Variants in CIPC observed in about 807,000 individuals in gnomAD.
CIPC encodes CLOCK-interacting pacemaker.
CIPC carries 12 observed loss-of-function variants against 26.7 expected under a neutral mutation model. The ratio of observed to expected loss-of-function variants is 0.45; its 90% CI spans 0.29 to 0.73. The LOEUF (loss-of-function observed/expected upper bound fraction) is 0.73, where lower values mean the gene tolerates loss of function less well. CIPC is among the 30% of genes least tolerant of loss of function. CIPC has a pLI of 0.12. For synonymous variants in CIPC, 170 were observed against 189.8 expected (o/e 0.90, Z 0.86); for missense variants, 417 against 486.5 (o/e 0.86, Z 1.34).
At chr14:77,105,593 CA>C in intron 1 of CIPC, 63 bp from the exon 2 acceptor site, 5 of 1,122,678 alleles carry the variant, frequency 4.5e-6, no homozygotes, top group Non-Finnish European at 6.4e-6. Context: ...ATACTTTATT[CA>C]CTGTTTGGAT....
intron 1 of CIPC, among the ~76,000 whole-genome samples, chr14:77,099,650 C>G (rs576067804): frequency 3.9e-5 from 6 of 152,166 alleles, no homozygotes; most frequent in African/African-American, 1.4e-4. Context: ...ACACGTGACA[C>G]ATTTTAAAGG....
chr14:77,111,992 A>T (rs1031606360), intron 3 of CIPC, among the ~76,000 whole-genome samples: 6 of 152,194 alleles, frequency 3.9e-5, no homozygotes, highest in African/African-American at 1.4e-4. Flanking sequence ...TATATTCCGG[A>T]GTATATTTGA....
At chr14:77,100,244 T>C (rs200751016) in intron 1 of CIPC, among the ~76,000 whole-genome samples, 52,991 of 139,704 alleles carry the variant, frequency 0.38, 8,821 homozygotes, top group East Asian at 0.6. Flanking sequence ...TTCTTTCTTT[T>C]TTTTTTTTTT....
At chr14:77,107,043 T>C (rs1014091077) in intron 2 of CIPC, among the ~76,000 whole-genome samples, 1 of 152,216 alleles carries the variant, frequency 6.6e-6, no homozygotes, top group Non-Finnish European at 1.5e-5. Context: ...GGACAGGGCC[T>C]GGAATGTGGG....
chr14:77,107,494 C>G (rs1240101278), intron 2 of CIPC, among the ~76,000 whole-genome samples: 1 of 152,098 alleles, frequency 6.6e-6, no homozygotes, highest in Non-Finnish European at 1.5e-5. Flanking sequence ...ATGAAATTTG[C>G]AAAATCAAGA....
Position 77,109,864 on chromosome 14 carries a change from G to A in CIPC, c.189G>A (p.Met63Ile). 6.2e-7 allele frequency: 1 copy of A among 1,614,224 alleles called. No individual in the cohort carries two copies. Among genetic ancestry groups the A allele is most frequent in the Non-Finnish European group, 8.5e-7 (1 of 1,180,036 alleles). The stretch of plus-strand genomic sequence containing the variant: ...CAGAGCAGATGGAGTCCGAGGACAT[G>A]CTGAGCGCCTTAGGCTGGAGCAGAG... Reference protein sequence around the residue: ...SSAEQMESEDMLSALGWSRED... With the variant: ...SSAEQMESEDILSALGWSRED... The change falls in exon 3 of 4, where the codon ATG becomes ATA. Residue 63 changes from methionine (M) to isoleucine (I), a missense_variant. By Grantham distance (10) the Met-to-Ile change is conservative (BLOSUM62 1). Coordinates refer to ENST00000361786, the MANE Select transcript of CIPC (RefSeq NM_033426.3).
chr14:77,099,679 A>C (rs1209255357), intron 1 of CIPC, among the ~76,000 whole-genome samples: 6 of 152,208 alleles, frequency 3.9e-5, no homozygotes, highest in Non-Finnish European at 8.8e-5. Flanking sequence ...GCTTCCAGGA[A>C]TGTTGCCAAG....
chr14:77,114,249 A>T lies in CIPC; in HGVS notation c.1131A>T (p.Ala377=). Residue 377 remains alanine, a synonymous_variant, in exon 4 of 4, where the codon GCA becomes GCT. Transcript: ENST00000361786. ...CTCAGGCTTGGGCCAAGCTGCAGGC[A>T]TCTTTAACACCTGGGTCCAGTAATA... ...RAPQAWAKLQ[A]SLTPGSSNTG... is the part of the protein sequence containing the mutation. The T allele has an allele frequency of 6.2e-7, 1 of 1,614,118 alleles. No individual in the cohort carries two copies. The highest frequency in any genetic ancestry group is 1.1e-5 in the South Asian group (1 of 91,086).
intron 2 of CIPC, among the ~76,000 whole-genome samples, chr14:77,109,303 C>G (rs1176306210): frequency 6.6e-6 from 1 of 152,146 alleles, no homozygotes; most frequent in Non-Finnish European, 1.5e-5. Context: ...GTATATCCTT[C>G]CAGTCATACA....
intron 3 of CIPC, 130 bp downstream of exon 3, chr14:77,110,111 T>C (rs1886665281): frequency 1.2e-6 from 1 of 806,718 alleles, no homozygotes; most frequent in Admixed American, 2.8e-5. Context: ...CACACCAATG[T>C]GTACTTTCTG....
At chr14:77,104,311 T>C (rs990320994) in intron 1 of CIPC, among the ~76,000 whole-genome samples, 2 of 152,166 alleles carry the variant, frequency 1.3e-5, no homozygotes. Flanking sequence ...CGCTTCCATC[T>C]GGGCAGTTGA....
Position 77,114,843 on chromosome 14 carries a change from C to CG in CIPC, c.*525_*526insG. On this transcript the variant is annotated 3_prime_UTR_variant, in exon 4 of 4. Transcript: ENST00000361786. ...TGGGCGAGACCTAAAATTCCCTGGG[C>CG]ACAGGTTGCACCTGGGTGTGAGCAC... 6.4e-6 allele frequency: 1 copy of CG among 155,252 alleles called. No individual in the cohort carries two copies. The highest frequency in any genetic ancestry group is 1.4e-5 in the Non-Finnish European group (1 of 69,762). The allele number at this position is 155,252 out of a possible 1,614,324, so 9.6% of individuals were successfully genotyped here.
chr14:77,109,141 T>C (rs1325156879), intron 2 of CIPC, among the ~76,000 whole-genome samples: 1 of 152,218 alleles, frequency 6.6e-6, no homozygotes, highest in Non-Finnish European at 1.5e-5. Context: ...TAATGGTTCT[T>C]AACTAGAGGT....
At chr14:77,102,226 C>T (rs1053723020) in intron 1 of CIPC, among the ~76,000 whole-genome samples, 19 of 152,176 alleles carry the variant, frequency 1.2e-4, no homozygotes, top group African/African-American at 4.3e-4. Flanking sequence ...GGGCAGGACC[C>T]ATTCTGGAAT....
At chr14:77,111,437 C>G (rs186274252) in intron 3 of CIPC, among the ~76,000 whole-genome samples, 2 of 152,298 alleles carry the variant, frequency 1.3e-5, no homozygotes, top group Admixed American at 1.3e-4. Flanking sequence ...CTAGCGTATT[C>G]TAAAATTAAA....
rs1401012268 is a variant in CIPC, at chr14:77,114,483, G to A, written c.*165G>A. On this transcript the variant is annotated 3_prime_UTR_variant, in exon 4 of 4. Coordinates refer to ENST00000361786, the MANE Select transcript of CIPC (RefSeq NM_033426.3). ...CAATACCTGGCTGCTGTCTTAACTC[G>A]TAGTCTGGGCACAGGATACATATGT... 8.6e-6 allele frequency: 6 copies of A among 695,710 alleles called. No individual in the cohort carries two copies. Among genetic ancestry groups the A allele is most frequent in the African/African-American group, 3.6e-5 (2 of 55,414 alleles). 43.1% of individuals were successfully genotyped at this position (695,710 alleles called of 1,614,324 possible).
At chr14:77,101,489 C>A (rs184820386) in intron 1 of CIPC, among the ~76,000 whole-genome samples, 1 of 152,144 alleles carries the variant, frequency 6.6e-6, no homozygotes, top group Non-Finnish European at 1.5e-5. Flanking sequence ...ATCCTAAAGT[C>A]GATTTTACAT....
In CIPC at chr14:77,115,240, T is replaced by TG. The variant is rs1352536120; in HGVS notation, c.*923dup. 9 of 33,964 alleles carry TG rather than the reference T, an allele frequency of 2.6e-4. No homozygotes were observed. The highest frequency in any genetic ancestry group is 5.7e-4 in the Non-Finnish European group (5 of 8,784). The allele number at this position is 33,964 out of a possible 1,614,324, so 2.1% of individuals were successfully genotyped here. A position where few individuals can be genotyped will look rare whatever the true frequency, so the allele number is the denominator to read the frequency against. On this transcript the variant is annotated 3_prime_UTR_variant, in exon 4 of 4. Transcript: ENST00000361786. Reference sequence around the variant, plus strand: ...GTATAAGTTAACTCTGCTGCCATCTTGTTTTTTTTTTTTTTCCTTTATTTT... The same window carrying TG: ...GTATAAGTTAACTCTGCTGCCATCTTGGTTTTTTTTTTTTTTCCTTTATTTT...
At chr14:77,102,275 A>T (rs1328073263) in intron 1 of CIPC, among the ~76,000 whole-genome samples, 1 of 152,190 alleles carries the variant, frequency 6.6e-6, no homozygotes, top group Non-Finnish European at 1.5e-5. Context: ...GACAGGTCAG[A>T]TAATTTCTTT....
Sources: gnomAD v4.1 joint callset for allele counts (sites outside exome capture counted in the v4.1 genomes callset) on GRCh38, gnomAD v4.1.1 for gene constraint, MANE v1.5 for transcripts, NCBI Gene and HGNC (gene_info 2026-07-23, HGNC 2026-07-21) for gene names.